The following MPPE1 variants were observed in gnomAD, a reference collection of about 807,000 sequenced individuals.
The protein encoded by MPPE1 is metallo phosphoesterase.
Under a neutral mutation model 43.8 loss-of-function variants are expected in MPPE1, and 28 were observed. The observed-to-expected ratio is 0.64, with a 90% CI of 0.47 to 0.88. The LOEUF is 0.88. MPPE1 is among the 40% of genes least tolerant of loss of function. The probability of loss-of-function intolerance (pLI) is 0.00; values close to 1 mark genes in which losing one functional copy is unlikely to be tolerated. For missense variants in MPPE1, 428 were observed against 492.2 expected (o/e 0.87, Z 1.23); for synonymous variants, 159 against 188.5 (o/e 0.84, Z 1.28).
intron 2 of MPPE1, 166 bp from the exon 3 acceptor site, chr18:11,897,522 T>C: frequency 4.7e-6 from 2 of 421,696 alleles, no homozygotes; most frequent in Non-Finnish European, 8.5e-6. Flanking sequence ...GGAAAACAAC[T>C]GACCTCTCTG....
rs145156594 is a variant in MPPE1 at position 11,887,117 on chromosome 18, T to TGCA, written c.570-95_570-93dup. On this transcript the variant is annotated intron_variant, in intron 6 of 10. Coordinates refer to ENST00000588072, the MANE Select transcript of MPPE1 (RefSeq NM_023075.6). ...CATGAAAAGAAAGCTAAGCATCCAG[T>TGCA]GCAAAGAAACAAGCCCAGAGCAGCT... The TGCA allele has an allele frequency of 8.3e-4, 747 of 899,374 alleles. 10 individuals are homozygous for TGCA. In the African/African-American group the frequency reaches 0.012, roughly 14 times the overall value. The allele number at this position is 899,374 out of a possible 1,614,324, so 55.7% of individuals were successfully genotyped here.
At chr18:11,894,100 C>T (rs1440516621) in intron 3 of MPPE1, among the ~76,000 whole-genome samples, 4 of 152,190 alleles carry the variant, frequency 2.6e-5, no homozygotes, top group Non-Finnish European at 5.9e-5. Context: ...TTCAGACATG[C>T]GAGTAATCCT....
intron 2 of MPPE1, among the ~76,000 whole-genome samples, chr18:11,901,725 G>A (rs2039227278): frequency 1.3e-5 from 2 of 152,050 alleles, no homozygotes; most frequent in Non-Finnish European, 2.9e-5. Flanking sequence ...TGTAATCCCA[G>A]CTACTAGGGA....
rs993556464 is a variant in MPPE1, at chr18:11,883,455, A to G, written c.*990T>C. Reference sequence around the variant, plus strand: ...ACAACAGCCAGACTGTTAAGAAAAAAAACAAAAAGAATAACTTTTATCTGG... The same window carrying G: ...ACAACAGCCAGACTGTTAAGAAAAAGAACAAAAAGAATAACTTTTATCTGG... On this transcript the variant is annotated 3_prime_UTR_variant, in exon 11 of 11. Coordinates refer to ENST00000588072, the MANE Select transcript of MPPE1 (RefSeq NM_023075.6). The G allele has an allele frequency of 4.6e-5, 7 of 153,406 alleles. No homozygotes were observed. Among genetic ancestry groups the G allele is most frequent in the Non-Finnish European group, 4.4e-5 (3 of 68,024 alleles). 9.5% of individuals were successfully genotyped at this position (153,406 alleles called of 1,614,324 possible).
At chr18:11,894,697 T>G (rs527888066) in intron 3 of MPPE1, among the ~76,000 whole-genome samples, 88 of 152,212 alleles carry the variant, frequency 5.8e-4, no homozygotes, top group African/African-American at 2.1e-3. Context: ...TTCAAATGAT[T>G]CTTCCGCCTC....
chr18:11,898,551 A>G (rs1423195714), intron 2 of MPPE1, among the ~76,000 whole-genome samples: 3 of 152,204 alleles, frequency 2.0e-5, no homozygotes, highest in Non-Finnish European at 4.4e-5. Flanking sequence ...GGCCAGAGGT[A>G]ACAAAGATTT....
intron 2 of MPPE1, among the ~76,000 whole-genome samples, chr18:11,899,204 C>T (rs766322103): frequency 2.6e-5 from 4 of 152,096 alleles, no homozygotes; most frequent in Non-Finnish European, 5.9e-5. Context: ...CATGAGCCAC[C>T]GTGCCCAGCC....
intron 2 of MPPE1, chr18:11,905,963 T>C (rs1457162490): frequency 3.3e-5 from 5 of 152,070 alleles, no homozygotes; most frequent in Non-Finnish European, 7.4e-5. Context: ...TCTGTGAGGA[T>C]AGAAAAAAAA....
chr18:11,907,166 G>T (rs1026857233), intron 1 of MPPE1, among the ~76,000 whole-genome samples: 4 of 152,142 alleles, frequency 2.6e-5, no homozygotes, highest in Admixed American at 6.5e-5. Context: ...CTTACCTGGA[G>T]GCTTCATCTG....
chr18:11,886,820 C>G lies in MPPE1; in HGVS notation c.679-42G>C. Reference sequence around the variant, plus strand: ...AGGCCATTAATCCGCACACCTGACCCTCATCAAAGGGCAAGAAGCGCTAGG... The same window carrying G: ...AGGCCATTAATCCGCACACCTGACCGTCATCAAAGGGCAAGAAGCGCTAGG... On this transcript the variant is annotated intron_variant, in intron 7 of 10. Transcript: ENST00000588072. This position sits in a 1 kb window ranked among gnomAD's most constrained non-coding sequence, Gnocchi z 4.1. 6.2e-7 allele frequency: 1 copy of G among 1,603,068 alleles called. No homozygotes were observed. The highest frequency in any genetic ancestry group is 1.7e-4 in the Middle Eastern group (1 of 6,024).
At chr18:11,894,669 C>T (rs1443783533) in intron 3 of MPPE1, among the ~76,000 whole-genome samples, 2 of 151,956 alleles carry the variant, frequency 1.3e-5, no homozygotes, top group African/African-American at 2.4e-5. Flanking sequence ...CGGCTCAATG[C>T]GACCTCTGCC....
chr18:11,900,764 A>G lies in MPPE1; in HGVS notation c.-92-3408T>C, dbSNP rs575117700. On this transcript the variant is annotated intron_variant, in intron 2 of 10. Transcript: ENST00000588072. ...CTACTAAAAATACAAAAAATTAGCC[A>G]GGCGTGGTGGCAGACGCCTGTAGTC... Among the ~76,000 whole-genome samples, 633 of 151,524 alleles carry G rather than the reference A, an allele frequency of 4.2e-3. 2 individuals carry two copies. The highest frequency in any genetic ancestry group is 0.01 in the African/African-American group (413 of 41,276).
chr18:11,896,703 C>T (rs2038652835), intron 3 of MPPE1, among the ~76,000 whole-genome samples: 1 of 152,166 alleles, frequency 6.6e-6, no homozygotes, highest in African/African-American at 2.4e-5. Context: ...TGTTTCTTGT[C>T]TTAATCCAGT....
chr18:11,884,249 G>T lies in MPPE1; in HGVS notation c.*196C>A. On this transcript the variant is annotated 3_prime_UTR_variant, in exon 11 of 11. Transcript: ENST00000588072. Reference sequence around the variant, plus strand: ...AATGAGAAAACAGATTTGTTGTAGAGTACCTGTCCACTTTTATAGCATGAG... The same window carrying T: ...AATGAGAAAACAGATTTGTTGTAGATTACCTGTCCACTTTTATAGCATGAG... 1 of 572,952 alleles carries T rather than the reference G, an allele frequency of 1.7e-6. No homozygotes were observed. The highest frequency in any genetic ancestry group is 3.1e-6 in the Non-Finnish European group (1 of 322,710). 35.5% of individuals were successfully genotyped at this position (572,952 alleles called of 1,614,324 possible). A position where few individuals can be genotyped will look rare whatever the true frequency, so the allele number is the denominator to read the frequency against.
At chr18:11,902,184 C>G (rs1036581665) in intron 2 of MPPE1, 4 of 151,962 alleles carry the variant, frequency 2.6e-5, no homozygotes, top group African/African-American at 9.7e-5. Context: ...TCCCAGACAA[C>G]TCAGGATGTG....
chr18:11,888,057 CAGTATAG>C (rs779720608), intron 6 of MPPE1, among the ~76,000 whole-genome samples: 3 of 152,190 alleles, frequency 2.0e-5, no homozygotes, highest in Admixed American at 6.5e-5. Flanking sequence ...CGTCTATAAT[CAGTATAG>C]AGTATAGAGT....
Position 11,886,529 on chromosome 18 carries a change from A to G in MPPE1, c.837T>C (p.Tyr279=). 5 of 1,614,206 alleles carry G rather than the reference A, an allele frequency of 3.1e-6. No individual in the cohort carries two copies. Among genetic ancestry groups the G allele is most frequent in the Non-Finnish European group, 4.2e-6 (5 of 1,180,030 alleles). ...EERDIPFKEN[Y]DVLSREASQK... ...GTGATGCCTCCCGTGAAAGCACGTCATAGTTCTCCTTAAATGGGATGTCCC... is the reference window on the plus strand; with the variant it reads ...GTGATGCCTCCCGTGAAAGCACGTCGTAGTTCTCCTTAAATGGGATGTCCC... The change falls in exon 9 of 11, where the codon TAT becomes TAC. Residue 279 remains tyrosine, a synonymous_variant. Transcript: ENST00000588072. The surrounding 1 kb of genome is among the most constrained non-coding windows in gnomAD (Gnocchi z 4.1).
At chr18:11,900,862 G>GCA (rs1458592649) in intron 2 of MPPE1, among the ~76,000 whole-genome samples, 1 of 148,198 alleles carries the variant, frequency 6.7e-6, no homozygotes, top group Non-Finnish European at 1.5e-5. Context: ...AGCCGAGATT[G>GCA]CGCCACTGCA....
In MPPE1 at chr18:11,885,819, G is replaced by C; in HGVS notation, c.868-3C>G. 6.2e-7 allele frequency: 1 copy of C among 1,602,424 alleles called. No homozygotes were observed. The highest frequency in any genetic ancestry group is 8.5e-7 in the Non-Finnish European group (1 of 1,171,338). The stretch of plus-strand genomic sequence containing the variant: ...CGCGGCTGGAGCCACCACAGCAGCT[G>C]ACAGTGGCCGAGAAGACAGCAAAGC... On this transcript the variant is annotated splice_region_variant and splice_polypyrimidine_tract_variant and intron_variant, in intron 9 of 10. Transcript: ENST00000588072.
Sources: allele counts gnomAD v4.1 joint callset (sites outside exome capture counted in the v4.1 genomes callset), GRCh38; gene constraint gnomAD v4.1.1; non-coding constraint Gnocchi (gnomAD v3.1); transcripts MANE v1.5; gene names NCBI Gene and HGNC (gene_info 2026-07-23, HGNC 2026-07-21).